Variants in PID1 observed in about 807,000 individuals in gnomAD.
PID1 encodes phosphotyrosine interaction domain containing 1, also known as PTB-containing, cubilin and LRP1-interacting protein.
A neutral mutation model predicts 19.1 loss-of-function variants in PID1; 10 were observed. The ratio of observed to expected loss-of-function variants is 0.52; its 90% CI spans 0.32 to 0.89. The LOEUF is 0.89. Among genes scored for constraint, PID1 ranks in the 40% least tolerant of loss-of-function variants. The pLI is 0.03. For missense variants in PID1, 248 were observed against 285.3 expected, an observed-to-expected ratio of 0.87 and a Z score of 0.94; for synonymous variants, 130 against 116.0, an observed-to-expected ratio of 1.12 and a Z score of -0.78.
At chr2:229,035,583 TG>T (rs1693647824) in intron 2 of PID1, among the ~76,000 whole-genome samples, 1 of 151,914 alleles carries the variant, frequency 6.6e-6, no homozygotes, top group African/African-American at 2.4e-5. Flanking sequence ...GCAATGATTC[TG>T]ATACCAAAAG....
intron 1 of PID1, among the ~76,000 whole-genome samples, chr2:229,170,350 T>C (rs1293469071): frequency 1.3e-5 from 2 of 152,206 alleles, no homozygotes; most frequent in Non-Finnish European, 2.9e-5. Flanking sequence ...CAGATTCATT[T>C]TGAGGCATTT....
chr2:229,189,465 C>G (rs1691209633), intron 1 of PID1, among the ~76,000 whole-genome samples: 1 of 152,202 alleles, frequency 6.6e-6, no homozygotes, highest in African/African-American at 2.4e-5. Flanking sequence ...GAGGCCAAGG[C>G]AGGTGGATCA....
chr2:229,187,082 C>T (rs1247063378), intron 1 of PID1, among the ~76,000 whole-genome samples: 1 of 152,222 alleles, frequency 6.6e-6, no homozygotes, highest in Non-Finnish European at 1.5e-5. Flanking sequence ...TTCCTCATCT[C>T]CATCTGAGAC....
chr2:229,068,362 T>A (rs1694374725), intron 2 of PID1, among the ~76,000 whole-genome samples: 1 of 152,128 alleles, frequency 6.6e-6, no homozygotes, highest in African/African-American at 2.4e-5. Context: ...CTTTTATTTG[T>A]CAGGGTGTCA....
intron 1 of PID1, among the ~76,000 whole-genome samples, chr2:229,188,090 C>T (rs1050801014): frequency 5.3e-5 from 8 of 152,142 alleles, no homozygotes; most frequent in Non-Finnish European, 1.2e-4. Flanking sequence ...TTATACATTA[C>T]AAATACACAT....
At chr2:229,205,453 T>C (rs1403420854) in intron 1 of PID1, among the ~76,000 whole-genome samples, 3 of 152,080 alleles carry the variant, frequency 2.0e-5, no homozygotes, top group African/African-American at 7.2e-5. Context: ...CTTCCACAAA[T>C]TAAAATACAC....
intron 1 of PID1, among the ~76,000 whole-genome samples, chr2:229,177,799 A>T (rs1690855613): frequency 6.6e-6 from 1 of 152,190 alleles, no homozygotes; most frequent in African/African-American, 2.4e-5. Flanking sequence ...CTGCGCCTCC[A>T]GAGCTATGTC....
chr2:229,066,343 G>GACAAGAGGGGAGGTATT (rs1480193179), intron 2 of PID1, among the ~76,000 whole-genome samples: 1 of 152,164 alleles, frequency 6.6e-6, no homozygotes, highest in Non-Finnish European at 1.5e-5. Flanking sequence ...CCAAATATGT[G>GACAAGAGGGGAGGTATT]ACAAGAGGGG....
intron 1 of PID1, among the ~76,000 whole-genome samples, chr2:229,191,929 A>T (rs1411861355): frequency 6.6e-6 from 1 of 152,228 alleles, no homozygotes; most frequent in Admixed American, 6.5e-5. Context: ...ATGCTTAAAA[A>T]TTTAAACCTG....
intron 2 of PID1, among the ~76,000 whole-genome samples, chr2:229,151,184 A>G (rs1450985149): frequency 6.6e-6 from 1 of 152,152 alleles, no homozygotes; most frequent in Non-Finnish European, 1.5e-5. Context: ...CCTGAAGAAA[A>G]GAAACAACTT....
intron 2 of PID1, among the ~76,000 whole-genome samples, chr2:229,037,374 C>T (rs144384612): frequency 5.3e-4 from 80 of 152,242 alleles, no homozygotes; most frequent in African/African-American, 1.5e-3. Flanking sequence ...CTGTTAAATA[C>T]GGCATGTGTC....
At chr2:229,157,804 T>C (rs1690407201) in intron 1 of PID1, among the ~76,000 whole-genome samples, 1 of 152,184 alleles carries the variant, frequency 6.6e-6, no homozygotes, top group Non-Finnish European at 1.5e-5. Context: ...CCTTTCCCGC[T>C]TGTATTACTT....
At chr2:229,099,293 C>T (rs1559232317) in intron 2 of PID1, among the ~76,000 whole-genome samples, 1 of 152,094 alleles carries the variant, frequency 6.6e-6, no homozygotes, top group African/African-American at 2.4e-5. Context: ...TAATACAACA[C>T]ACTCTGATTT....
chr2:229,158,770 CA>C (rs1690433149), intron 1 of PID1, among the ~76,000 whole-genome samples: 1 of 152,060 alleles, frequency 6.6e-6, no homozygotes, highest in Non-Finnish European at 1.5e-5. Flanking sequence ...TAAAAACTGC[CA>C]AAAACAGTTC....
chr2:229,182,958 T>C (rs987161890), intron 1 of PID1, among the ~76,000 whole-genome samples: 2 of 152,216 alleles, frequency 1.3e-5, no homozygotes, highest in African/African-American at 2.4e-5. Context: ...CATTCTCAGC[T>C]GAGGGCTTTG....
chr2:229,193,361 G>A (rs532728880), intron 1 of PID1, among the ~76,000 whole-genome samples: 52 of 152,244 alleles, frequency 3.4e-4, no homozygotes, highest in South Asian at 1.5e-3. Context: ...GCTGGGTTCC[G>A]AAAGGTCTGG....
intron 1 of PID1, among the ~76,000 whole-genome samples, chr2:229,160,662 G>A (rs896766941): frequency 2.0e-5 from 3 of 152,146 alleles, no homozygotes; most frequent in Non-Finnish European, 4.4e-5. Context: ...ATCTGTGTGA[G>A]AAGTTCTATA....
intron 1 of PID1, among the ~76,000 whole-genome samples, chr2:229,182,835 A>G (rs1021063926): frequency 4.1e-4 from 63 of 152,186 alleles, no homozygotes; most frequent in Non-Finnish European, 2.4e-4. Context: ...GTTAACGTAC[A>G]CTTCATGCCT....
chr2:229,230,439 A>G (rs992652814), intron 1 of PID1, among the ~76,000 whole-genome samples: 4 of 152,218 alleles, frequency 2.6e-5, no homozygotes, highest in Non-Finnish European at 4.4e-5. Context: ...GCCCTTATGC[A>G]CACTCAGATT....
Sources: gnomAD v4.1 joint callset for allele counts (sites outside exome capture counted in the v4.1 genomes callset) on GRCh38, gnomAD v4.1.1 for gene constraint, MANE v1.5 for transcripts, NCBI Gene and HGNC (gene_info 2026-07-23, HGNC 2026-07-21) for gene names.